The following RGMB variants were observed in gnomAD, a reference collection of about 807,000 sequenced individuals.
RGMB encodes the protein repulsive guidance molecule B.
A neutral mutation model predicts 26.9 loss-of-function variants in RGMB; 16 were observed. The observed-to-expected ratio is 0.60, with a 90% CI of 0.40 to 0.90. The LOEUF (loss-of-function observed/expected upper bound fraction) is 0.90. RGMB is among the 40% of genes least tolerant of loss of function. RGMB has a pLI of 0.00. For missense variants in RGMB, 512 were observed against 573.3 expected (o/e 0.89, Z 1.09); for synonymous variants, 225 against 229.3 (o/e 0.98, Z 0.17).
upstream of RGMB, chr5:98,768,807 T>G (rs1028294894): frequency 3.9e-5 from 6 of 152,306 alleles, no homozygotes; most frequent in African/African-American, 9.6e-5. Flanking sequence ...TTCCCGCCAC[T>G]GTACCCATTT....
chr5:98,792,740 T>A (rs1746970541), intron 2 of RGMB: 1 of 170,016 alleles, frequency 5.9e-6, no homozygotes, highest in South Asian at 1.5e-4. Context: ...CACCGCACTC[T>A]AGCCTGGGCA....
At chr5:98,772,556 AG>A (rs1313520135), upstream of RGMB, 2 of 152,220 alleles carry the variant, frequency 1.3e-5, no homozygotes, top group Non-Finnish European at 2.9e-5. Context: ...GGCAAAGGCG[AG>A]GGCGGTATCA....
intron 1 of RGMB, among the ~76,000 whole-genome samples, chr5:98,775,626 G>A (rs1288435697): frequency 6.6e-6 from 1 of 152,162 alleles, no homozygotes; most frequent in Non-Finnish European, 1.5e-5. Flanking sequence ...GTTTCCCATA[G>A]TTGCCATAGG....
At chr5:98,792,252 C>CA (rs1406606183) in intron 2 of RGMB, among the ~76,000 whole-genome samples, 4 of 152,160 alleles carry the variant, frequency 2.6e-5, no homozygotes, top group Non-Finnish European at 5.9e-5. Flanking sequence ...AGTGGTGAGT[C>CA]ATGGGATACA....
chr5:98,775,578 CTAGGTGGGA>C (rs1296450802), intron 1 of RGMB, among the ~76,000 whole-genome samples: 1 of 152,150 alleles, frequency 6.6e-6, no homozygotes, highest in Non-Finnish European at 1.5e-5. Flanking sequence ...GGAAATTGTG[CTAGGTGGGA>C]TTGTGTCCCC....
intron 1 of RGMB, 21 bp downstream of exon 1, chr5:98,774,227 G>A: frequency 7.1e-7 from 1 of 1,402,962 alleles, no homozygotes; most frequent in Non-Finnish European, 9.2e-7. Context: ...AGCGCGCGAG[G>A]GGAGCCAGCC....
chr5:98,774,572 C>T (rs1220392099), intron 1 of RGMB, among the ~76,000 whole-genome samples: 2 of 152,190 alleles, frequency 1.3e-5, no homozygotes, highest in Non-Finnish European at 2.9e-5. Flanking sequence ...AAGTCAGGCT[C>T]GGATCAGGTT....
At chr5:98,780,724 T>G (rs547589508) in intron 2 of RGMB, 2 of 152,406 alleles carry the variant, frequency 1.3e-5, no homozygotes, top group African/African-American at 4.8e-5. Context: ...AGAGAAACAC[T>G]GACAAAATTT....
upstream of RGMB, chr5:98,772,964 C>T (rs1237640762): frequency 3.3e-5 from 5 of 152,242 alleles, no homozygotes; most frequent in African/African-American, 1.2e-4. Flanking sequence ...CAAACTAGAA[C>T]ACCTGAGCCT....
intron 2 of RGMB, among the ~76,000 whole-genome samples, chr5:98,781,502 T>C (rs1561441299): frequency 6.6e-6 from 1 of 152,198 alleles, no homozygotes; most frequent in East Asian, 1.9e-4. Flanking sequence ...ATTATGAAGT[T>C]ATAAGAGAAA....
chr5:98,774,196 G>A lies in RGMB; in HGVS notation c.126G>A (p.Leu42=). The A allele has an allele frequency of 1.4e-6, 2 of 1,480,736 alleles. No individual in the cohort carries two copies. The highest frequency in any genetic ancestry group is 1.8e-6 in the Non-Finnish European group (2 of 1,123,964). 91.7% of individuals were successfully genotyped at this position (1,480,736 alleles called of 1,614,324 possible). ...TGCTGCTGCTGTTCAGCCTCGGGCT[G>A]CTCCACGCAGGTAGGACGGGAGCGC... The part of the protein sequence containing the change: ...LLLLLLFSLG[L]LHAGDCQQPA... Residue 42 remains leucine (L), a synonymous_variant, in exon 1 of 3, where the codon CTG becomes CTA. Coordinates refer to ENST00000513185, the MANE Select transcript of RGMB (RefSeq NM_001366508.1).
intron 2 of RGMB, among the ~76,000 whole-genome samples, chr5:98,789,943 AAT>A (rs1746876585): frequency 6.6e-6 from 1 of 152,240 alleles, no homozygotes; most frequent in Admixed American, 6.5e-5. Context: ...GCTAGCTGGA[AAT>A]ATTAAAAGTT....
At chr5:98,789,126 T>C (rs949167249) in intron 2 of RGMB, among the ~76,000 whole-genome samples, 2 of 152,204 alleles carry the variant, frequency 1.3e-5, no homozygotes, top group Non-Finnish European at 2.9e-5. Context: ...ATCAAAATTA[T>C]GTTTTCATGT....
chr5:98,782,055 G>T (rs911034233), intron 2 of RGMB, among the ~76,000 whole-genome samples: 5 of 152,196 alleles, frequency 3.3e-5, no homozygotes, highest in Non-Finnish European at 5.9e-5. Context: ...AGAATGCTTG[G>T]TCTTTAATTG....
chr5:98,779,401 G>A (rs1472184627), intron 1 of RGMB, among the ~76,000 whole-genome samples, 179 bp from the exon 2 acceptor site: 1 of 152,184 alleles, frequency 6.6e-6, no homozygotes, highest in African/African-American at 2.4e-5. Flanking sequence ...TTCTTCCAGT[G>A]GCTTAGTTTG....
chr5:98,786,100 T>A (rs1746759747), intron 2 of RGMB, among the ~76,000 whole-genome samples: 1 of 152,252 alleles, frequency 6.6e-6, no homozygotes, highest in Admixed American at 6.5e-5. Context: ...ATGCTATACT[T>A]TTCAAAGAAG....
chr5:98,777,015 G>A (rs1385744810), intron 1 of RGMB, among the ~76,000 whole-genome samples: 1 of 151,970 alleles, frequency 6.6e-6, no homozygotes, highest in Admixed American at 6.5e-5. Context: ...GAACCTGGGA[G>A]GCGGAGGTTG....
chr5:98,770,758 C>T (rs1746134969), upstream of RGMB: 1 of 801,246 alleles, frequency 1.2e-6, no homozygotes, highest in African/African-American at 1.8e-5. Context: ...CTTTCCTTTC[C>T]TTACTGTTCT....
At chr5:98,784,094 G>A (rs138865956) in intron 2 of RGMB, among the ~76,000 whole-genome samples, 25 of 152,252 alleles carry the variant, frequency 1.6e-4, no homozygotes, top group African/African-American at 5.3e-4. Context: ...ACCTTAAGGC[G>A]TTTGAATTTG....
Sources: gnomAD v4.1 joint callset for allele counts (sites outside exome capture counted in the v4.1 genomes callset) on GRCh38, gnomAD v4.1.1 for gene constraint, MANE v1.5 for transcripts, NCBI Gene and HGNC (gene_info 2026-07-23, HGNC 2026-07-21) for gene names.